Variants in ARHGAP24 observed in about 807,000 individuals in gnomAD.
ARHGAP24 encodes Rho GTPase activating protein 24, also known as rho GTPase-activating protein 24.
ARHGAP24 carries 50 observed loss-of-function variants against 76.4 expected under a neutral mutation model. That is an observed-to-expected ratio of 0.65 (90% CI 0.52 to 0.83). ARHGAP24 has a LOEUF of 0.83. ARHGAP24 is among the 40% of genes least tolerant of loss of function. ARHGAP24 has a pLI of 0.00. For synonymous variants in ARHGAP24, 345 were observed against 323.3 expected (o/e 1.07, Z -0.72); for missense variants, 930 against 914.2 (o/e 1.02, Z -0.22).
intron 2 of ARHGAP24, among the ~76,000 whole-genome samples, chr4:85,642,889 C>G (rs531792957): frequency 9.9e-5 from 15 of 152,228 alleles, no homozygotes; most frequent in South Asian, 4.1e-4. Context: ...CTATAAAGTC[C>G]CTGCAGTGGC....
intron 3 of ARHGAP24, among the ~76,000 whole-genome samples, chr4:85,738,350 T>G (rs1479479418): frequency 6.7e-6 from 1 of 149,874 alleles, no homozygotes; most frequent in Non-Finnish European, 1.5e-5. Flanking sequence ...ATCTTTGGCC[T>G]AGTTTTCATT....
intron 3 of ARHGAP24, among the ~76,000 whole-genome samples, chr4:85,884,556 G>A (rs1733448973): frequency 6.6e-6 from 1 of 152,182 alleles, no homozygotes. Flanking sequence ...AGAGGTGAGT[G>A]TGAAGACAAC....
intron 2 of ARHGAP24, among the ~76,000 whole-genome samples, chr4:85,619,712 T>C (rs1720653223): frequency 6.6e-6 from 1 of 152,008 alleles, no homozygotes; most frequent in Non-Finnish European, 1.5e-5. Context: ...TTTTATGCAA[T>C]CGTAAATGGG....
At chr4:85,643,384 C>G (rs60134716) in intron 2 of ARHGAP24, among the ~76,000 whole-genome samples, 8,027 of 119,738 alleles carry the variant, frequency 0.067, 1,532 homozygotes, top group African/African-American at 0.21. Flanking sequence ...TCAGCCTCCC[C>G]AGTAGCTGGG....
chr4:85,648,351 T>C (rs1436129148), intron 2 of ARHGAP24, among the ~76,000 whole-genome samples: 1 of 152,126 alleles, frequency 6.6e-6, no homozygotes, highest in Non-Finnish European at 1.5e-5. Context: ...TGACAATTAG[T>C]TTAATATATT....
chr4:85,667,648 C>T (rs893815597), intron 2 of ARHGAP24, among the ~76,000 whole-genome samples: 3 of 152,190 alleles, frequency 2.0e-5, no homozygotes, highest in African/African-American at 4.8e-5. Context: ...TTGGCTGCCA[C>T]GCACTTTTTT....
intron 3 of ARHGAP24, among the ~76,000 whole-genome samples, chr4:85,730,986 G>GCGCA (rs1725376922): frequency 7.5e-6 from 1 of 133,820 alleles, no homozygotes; most frequent in African/African-American, 2.8e-5. Flanking sequence ...TAATATAACT[G>GCGCA]CACACACACA....
chr4:85,873,758 C>A (rs1231801671), intron 3 of ARHGAP24, among the ~76,000 whole-genome samples: 1 of 152,152 alleles, frequency 6.6e-6, no homozygotes, highest in Non-Finnish European at 1.5e-5. Flanking sequence ...GAGAGTTCCT[C>A]ACTTTAATTC....
At chr4:85,564,398 TGGG>T (rs1197995424) in intron 1 of ARHGAP24, among the ~76,000 whole-genome samples, 2 of 91,506 alleles carry the variant, frequency 2.2e-5, no homozygotes, top group East Asian at 3.2e-4. Context: ...TGTTGTGGGG[TGGG>T]GGGAGCGGGG....
chr4:85,675,311 G>A lies in ARHGAP24; in HGVS notation c.181-46574G>A, dbSNP rs1251758805. On this transcript the variant is annotated intron_variant, in intron 2 of 9. Transcript: ENST00000395184. ...GCAAGAGTCCAAATGAGAAATGCAC[G>A]TTGTATCATCTACCCTTTCTAGTCC... 5.3e-5 allele frequency among the ~76,000 whole-genome samples: 8 copies of A among 152,146 alleles called. No homozygotes were observed. The East Asian group carries it at 7.7e-4, about 15-fold the overall frequency.
At chr4:85,559,071 A>G (rs1290195984) in intron 1 of ARHGAP24, among the ~76,000 whole-genome samples, 1 of 152,186 alleles carries the variant, frequency 6.6e-6, no homozygotes, top group Non-Finnish European at 1.5e-5. Context: ...AATTATAGGC[A>G]CAGCAGTTAT....
chr4:85,579,493 GTT>G (rs5859985), intron 2 of ARHGAP24, among the ~76,000 whole-genome samples: 3,332 of 128,762 alleles, frequency 0.026, 104 homozygotes, highest in African/African-American at 0.086. Flanking sequence ...TCTCTTTTAG[GTT>G]TTTTTTTTTT....
intron 1 of ARHGAP24, among the ~76,000 whole-genome samples, chr4:85,512,661 G>GTCCT (rs1724328987): frequency 6.6e-6 from 1 of 152,200 alleles, no homozygotes; most frequent in African/African-American, 2.4e-5. Flanking sequence ...GAGTGGAAGT[G>GTCCT]ATATTTATAG....
intron 1 of ARHGAP24, among the ~76,000 whole-genome samples, chr4:85,493,740 T>C (rs1723450138): frequency 6.6e-6 from 1 of 152,244 alleles, no homozygotes; most frequent in Non-Finnish European, 1.5e-5. Context: ...GAATAGAATT[T>C]AGAAACCAAA....
chr4:85,740,474 C>G (rs758745882), intron 3 of ARHGAP24, among the ~76,000 whole-genome samples: 15 of 152,070 alleles, frequency 9.9e-5, no homozygotes, highest in African/African-American at 2.9e-4. Flanking sequence ...CTGCCTGCCT[C>G]GGCCTTATAT....
chr4:85,890,651 G>A (rs1733836066), intron 3 of ARHGAP24, among the ~76,000 whole-genome samples: 1 of 152,144 alleles, frequency 6.6e-6, no homozygotes, highest in Non-Finnish European at 1.5e-5. Context: ...TTCAGGTAGT[G>A]GCAGCTAGAA....
Position 85,942,147 on chromosome 4 carries a change from A to T in ARHGAP24, c.473A>T (p.Gln158Leu), listed in dbSNP as rs112475438. ...GNRLAPMLVEQCVDFIRQRGL... is the reference protein window; with the variant it reads ...GNRLAPMLVELCVDFIRQRGL... ...CGTCTGGCTCCGATGTTGGTGGAGC[A>T]GTGCGTGGACTTTATCCGACAAAGG... The change falls in exon 5 of 10, where the codon CAG (glutamine) becomes CTG (leucine). Residue 158 changes from glutamine (Q) to leucine (L), a missense_variant. Gln to Leu is a moderately radical substitution (Grantham distance 113). Coordinates refer to ENST00000395184, the MANE Select transcript of ARHGAP24 (RefSeq NM_001025616.3). The T allele has an allele frequency of 6.2e-7, 1 of 1,614,064 alleles. No individual in the cohort carries two copies. Among genetic ancestry groups the T allele is most frequent in the Admixed American group, 1.7e-5 (1 of 60,014 alleles).
intron 3 of ARHGAP24, among the ~76,000 whole-genome samples, chr4:85,887,825 C>A (rs764423679): frequency 6.6e-6 from 1 of 152,078 alleles, no homozygotes; most frequent in African/African-American, 2.4e-5. Context: ...AGGTAAGATA[C>A]CTTTATCAAA....
intron 1 of ARHGAP24, among the ~76,000 whole-genome samples, chr4:85,557,801 C>A (rs1173856011): frequency 6.6e-6 from 1 of 152,156 alleles, no homozygotes; most frequent in Non-Finnish European, 1.5e-5. Flanking sequence ...TCTCCCAATT[C>A]CTCTGGTCAC....
Sources: allele counts gnomAD v4.1 joint callset (sites outside exome capture counted in the v4.1 genomes callset), GRCh38; gene constraint gnomAD v4.1.1; transcripts MANE v1.5; gene names NCBI Gene and HGNC (gene_info 2026-07-23, HGNC 2026-07-21).